The following RNF2 variants were observed in gnomAD, a reference collection of about 807,000 sequenced individuals.
The protein encoded by RNF2 is E3 ubiquitin-protein ligase RING2.
In RNF2, 6 loss-of-function variants were observed where a neutral mutation model predicts 37.2. The observed-to-expected ratio is 0.16, with a 90% CI of 0.09 to 0.32. The LOEUF is 0.32. Among genes scored for constraint, RNF2 ranks in the 10% least tolerant of loss-of-function variants. The probability of loss-of-function intolerance (pLI) is 1.00; values close to 1 mark genes in which losing one functional copy is unlikely to be tolerated. For synonymous variants in RNF2, 133 were observed against 132.7 expected, an observed-to-expected ratio of 1.00 and a Z score of -0.02; for missense variants, 251 against 404.0, an observed-to-expected ratio of 0.62 and a Z score of 3.25.
intron 2 of RNF2, 120 bp from the exon 3 acceptor site, chr1:185,091,459 A>G: frequency 1.1e-6 from 1 of 873,442 alleles, no homozygotes; most frequent in Non-Finnish European, 1.7e-6. Context: ...TGACAATGGC[A>G]GTGGCTGGGT....
intron 5 of RNF2, 28 bp downstream of exon 5, chr1:185,098,372 T>C: frequency 6.2e-7 from 1 of 1,602,424 alleles, no homozygotes; most frequent in Non-Finnish European, 8.5e-7. Context: ...TTTCAGATTA[T>C]CTAAATTCAG....
intron 1 of RNF2, chr1:185,046,069 T>G (rs1160165040): frequency 6.6e-6 from 1 of 152,130 alleles, no homozygotes; most frequent in Non-Finnish European, 1.5e-5. Context: ...TGCGAGTTTT[T>G]TCTCTGGGCT....
chr1:185,095,514 T>C (rs1651886988), intron 4 of RNF2, among the ~76,000 whole-genome samples: 1 of 152,320 alleles, frequency 6.6e-6, no homozygotes, highest in South Asian at 2.1e-4. Flanking sequence ...CTCATTTTTT[T>C]CCCATAGCAC....
At position 185,070,675 on chromosome 1, in the gene RNF2, G is replaced by A. The variant is rs185726861; in HGVS notation, c.-2-16877G>A. On this transcript the variant is annotated intron_variant, in intron 1 of 6. Transcript: ENST00000367510. ...TTTTTTTGAGACCGAGTCTTGCTGT[G>A]TCACCCAGGCTGGAGTGCAGTGGCG... 7.1e-3 allele frequency among the ~76,000 whole-genome samples: 953 copies of A among 133,466 alleles called. 19 individuals are homozygous for A. The highest frequency in any genetic ancestry group is 0.026 in the African/African-American group (916 of 35,448). The allele number at this position is 133,466 out of a possible 152,430, so 87.6% of individuals were successfully genotyped here. A position where few individuals can be genotyped will look rare whatever the true frequency, so the allele number is the denominator to read the frequency against.
At chr1:185,092,362 AG>A (rs1487400788) in intron 3 of RNF2, among the ~76,000 whole-genome samples, 1 of 151,500 alleles carries the variant, frequency 6.6e-6, no homozygotes, top group Admixed American at 6.6e-5. Flanking sequence ...TTTTTAGTAG[AG>A]GGGGGCTTTC....
At chr1:185,065,975 C>A (rs922034072) in intron 1 of RNF2, among the ~76,000 whole-genome samples, 9 of 149,432 alleles carry the variant, frequency 6.0e-5, no homozygotes, top group African/African-American at 2.2e-4. Context: ...TTTTTAGTAT[C>A]AGCATCTACA....
At chr1:185,054,375 G>T (rs1487867865) in intron 1 of RNF2, among the ~76,000 whole-genome samples, 2 of 152,278 alleles carry the variant, frequency 1.3e-5, no homozygotes, top group South Asian at 4.1e-4. Context: ...CATCAGAAGC[G>T]ACTCCGGAGA....
intron 1 of RNF2, among the ~76,000 whole-genome samples, chr1:185,082,345 C>CATTTTTTTTTTTTTTTTT (rs1651442966): frequency 1.4e-5 from 1 of 72,000 alleles, no homozygotes; most frequent in Non-Finnish European, 2.9e-5. Flanking sequence ...CTCTGCAGAA[C>CATTTTTTTTTTTTTTTTT]TTTTTTTTTT....
chr1:185,062,683 AAGC>A (rs1571299930), intron 1 of RNF2, among the ~76,000 whole-genome samples: 1 of 152,200 alleles, frequency 6.6e-6, no homozygotes, highest in Non-Finnish European at 1.5e-5. Context: ...ACAAAAGACA[AAGC>A]AGCAAACTGG....
chr1:185,049,865 A>G (rs1190996050), intron 1 of RNF2, among the ~76,000 whole-genome samples: 2 of 152,170 alleles, frequency 1.3e-5, no homozygotes, highest in African/African-American at 4.8e-5. Flanking sequence ...ACCATTTGCT[A>G]ACTGCCAGGG....
intron 1 of RNF2, among the ~76,000 whole-genome samples, chr1:185,060,447 G>A (rs987326839): frequency 6.6e-6 from 1 of 152,118 alleles, no homozygotes; most frequent in Non-Finnish European, 1.5e-5. Context: ...AACTGAAGTT[G>A]GTAGTTTCCC....
intron 4 of RNF2, among the ~76,000 whole-genome samples, chr1:185,094,214 T>G (rs1207057652): frequency 6.6e-6 from 1 of 152,086 alleles, no homozygotes; most frequent in Non-Finnish European, 1.5e-5. Context: ...CCATCTTGGC[T>G]CACTGCAACC....
At chr1:185,051,323 G>C (rs1557957730) in intron 1 of RNF2, among the ~76,000 whole-genome samples, 1 of 152,138 alleles carries the variant, frequency 6.6e-6, no homozygotes, top group Non-Finnish European at 1.5e-5. Flanking sequence ...AGGAGTTGCA[G>C]AATTGAATGC....
chr1:185,096,778 AAC>A (rs1309395257), intron 4 of RNF2, among the ~76,000 whole-genome samples: 1 of 151,350 alleles, frequency 6.6e-6, no homozygotes, highest in African/African-American at 2.4e-5. Flanking sequence ...TTTGTTATTT[AAC>A]ATACTAGTCA....
intron 4 of RNF2, among the ~76,000 whole-genome samples, chr1:185,093,972 AC>A (rs1651841506): frequency 6.6e-6 from 1 of 152,114 alleles, no homozygotes; most frequent in African/African-American, 2.4e-5. Context: ...GCCCGGACTT[AC>A]CTGAATTTTA....
At chr1:185,047,279 G>C (rs1462418275) in intron 1 of RNF2, among the ~76,000 whole-genome samples, 1 of 152,194 alleles carries the variant, frequency 6.6e-6, no homozygotes, top group Non-Finnish European at 1.5e-5. Flanking sequence ...AAATAAGCTA[G>C]TTGTCCTAAA....
At chr1:185,053,358 C>G (rs1650324816) in intron 1 of RNF2, among the ~76,000 whole-genome samples, 1 of 150,626 alleles carries the variant, frequency 6.6e-6, no homozygotes, top group African/African-American at 2.5e-5. Flanking sequence ...TTTTAAGAGA[C>G]AGGATCTTGC....
chr1:185,083,858 C>G (rs188686859), intron 1 of RNF2, among the ~76,000 whole-genome samples: 2 of 149,718 alleles, frequency 1.3e-5, no homozygotes, highest in South Asian at 2.1e-4. Context: ...CTACCTGTCT[C>G]GGCCTCCCAA....
chr1:185,070,616 G>A (rs940020982), intron 1 of RNF2, among the ~76,000 whole-genome samples: 3 of 149,578 alleles, frequency 2.0e-5, no homozygotes, highest in African/African-American at 4.9e-5. Flanking sequence ...TCTAACTTCT[G>A]TAGACTGCAG....
Sources: allele counts gnomAD v4.1 joint callset (sites outside exome capture counted in the v4.1 genomes callset), GRCh38; gene constraint gnomAD v4.1.1; transcripts MANE v1.5; gene names NCBI Gene and HGNC (gene_info 2026-07-23, HGNC 2026-07-21).